Variants in ACACA observed in about 807,000 individuals in gnomAD.
ACACA encodes the protein acetyl-CoA carboxylase alpha.
In ACACA, 103 loss-of-function variants were observed where a neutral mutation model predicts 296.1. The ratio of observed to expected loss-of-function variants is 0.35; its 90% CI spans 0.30 to 0.41. The LOEUF (loss-of-function observed/expected upper bound fraction) is 0.41. Among genes scored for constraint, ACACA ranks in the 10% least tolerant of loss-of-function variants. ACACA has a pLI of 1.00. For synonymous variants in ACACA, 953 were observed against 1,038.6 expected (o/e 0.92, Z 1.58); for missense variants, 1,554 against 2,989.7 (o/e 0.52, Z 11.20).
intron 24 of ACACA, among the ~76,000 whole-genome samples, chr17:37,235,494 A>T (rs2145858001): frequency 6.6e-6 from 1 of 152,304 alleles, no homozygotes; most frequent in South Asian, 2.1e-4. Flanking sequence ...TCTTTAGACG[A>T]GAAATTTCTG....
At chr17:37,128,507 A>G (rs2074936122) in intron 47 of ACACA, among the ~76,000 whole-genome samples, 3 of 152,214 alleles carry the variant, frequency 2.0e-5, no homozygotes, top group Non-Finnish European at 4.4e-5. Flanking sequence ...CCTTTCTTTG[A>G]AATAGTTGCA....
intron 25 of ACACA, among the ~76,000 whole-genome samples, chr17:37,229,807 C>T (rs1425998881): frequency 2.0e-5 from 3 of 151,828 alleles, no homozygotes; most frequent in South Asian, 4.2e-4. Flanking sequence ...TGGTGGCTCA[C>T]GCCTGTAATC....
intron 55 of ACACA, among the ~76,000 whole-genome samples, chr17:37,088,717 C>T (rs1353407873): frequency 6.6e-6 from 1 of 152,194 alleles, no homozygotes; most frequent in East Asian, 1.9e-4. Context: ...ATTAAGCCTT[C>T]ATCTAGCTGA....
intron 1 of ACACA, among the ~76,000 whole-genome samples, chr17:37,373,012 C>G (rs940401910): frequency 2.0e-5 from 3 of 152,038 alleles, no homozygotes; most frequent in African/African-American, 7.2e-5. Flanking sequence ...TCCCAAGTAG[C>G]TGGGACTATA....
At chr17:37,342,214 G>A (rs1327298183) in intron 1 of ACACA, among the ~76,000 whole-genome samples, 1 of 150,916 alleles carries the variant, frequency 6.6e-6, no homozygotes. Flanking sequence ...TTCGAGAACA[G>A]CTGGCCAACA....
chr17:37,358,944 G>A (rs1003851058), intron 1 of ACACA: 17 of 986,232 alleles, frequency 1.7e-5, no homozygotes, highest in Non-Finnish European at 1.9e-5. Context: ...CCCCTCCCTT[G>A]GCCCCAGTTT....
chr17:37,363,635 G>T (rs75786748), intron 1 of ACACA, among the ~76,000 whole-genome samples: 4,369 of 152,234 alleles, frequency 0.029, 78 homozygotes, highest in Middle Eastern at 0.075. Context: ...GGACAAGAAA[G>T]TCTCTCAAGT....
chr17:37,308,643 T>C (rs1466078398), intron 3 of ACACA, among the ~76,000 whole-genome samples: 1 of 152,152 alleles, frequency 6.6e-6, no homozygotes, highest in Non-Finnish European at 1.5e-5. Context: ...ATATGTATAA[T>C]TTAAAAACTA....
chr17:37,119,448 C>T (rs1474019402), intron 50 of ACACA, among the ~76,000 whole-genome samples: 8 of 152,034 alleles, frequency 5.3e-5, no homozygotes, highest in African/African-American at 1.9e-4. Flanking sequence ...TTTATTATCT[C>T]GGTCAAAAAA....
chr17:37,116,958 T>TTC (rs1427307166), intron 50 of ACACA, among the ~76,000 whole-genome samples: 1 of 152,150 alleles, frequency 6.6e-6, no homozygotes, highest in African/African-American at 2.4e-5. Context: ...TACTGATAGG[T>TTC]TCCTCACTGG....
At chr17:37,375,254 A>G (rs1260393661) in intron 1 of ACACA, among the ~76,000 whole-genome samples, 2 of 152,148 alleles carry the variant, frequency 1.3e-5, no homozygotes, top group East Asian at 3.9e-4. Flanking sequence ...CGGGAGGCCG[A>G]GGCAGGTGGA....
At chr17:37,252,130 C>T in intron 15 of ACACA, 22 bp from the exon 16 acceptor site, 2 of 1,593,502 alleles carry the variant, frequency 1.3e-6, no homozygotes, top group Non-Finnish European at 8.6e-7. Context: ...AAAAAGAGGG[C>T]AGATCAAATG....
chr17:37,107,162 G>A (rs1597836093), intron 52 of ACACA, among the ~76,000 whole-genome samples: 1 of 152,322 alleles, frequency 6.6e-6, no homozygotes, highest in East Asian at 1.9e-4. Flanking sequence ...TTCAACAGGT[G>A]AGAGGTGAAA....
At chr17:37,197,520 T>G (rs1049832246) in intron 35 of ACACA, among the ~76,000 whole-genome samples, 1 of 152,106 alleles carries the variant, frequency 6.6e-6, no homozygotes, top group African/African-American at 2.4e-5. Flanking sequence ...TCTCTGACAC[T>G]CCCAGAAAGC....
intron 33 of ACACA, among the ~76,000 whole-genome samples, chr17:37,203,321 A>G (rs572072331): frequency 1.8e-4 from 27 of 152,320 alleles, no homozygotes; most frequent in African/African-American, 6.5e-4. Context: ...GAGGGCAACA[A>G]GAAGTGTCAA....
intron 41 of ACACA, among the ~76,000 whole-genome samples, chr17:37,163,715 C>A (rs943585516): frequency 6.6e-6 from 1 of 152,216 alleles, no homozygotes; most frequent in African/African-American, 2.4e-5. Flanking sequence ...CTCTTGCTTT[C>A]TTCTAGCACC....
chr17:37,180,360 G>A (rs984015855), intron 40 of ACACA, among the ~76,000 whole-genome samples: 1 of 152,080 alleles, frequency 6.6e-6, no homozygotes, highest in Non-Finnish European at 1.5e-5. Context: ...TTGTATTTGT[G>A]AATAACACAG....
intron 23 of ACACA, 42 bp downstream of exon 23, chr17:37,241,911 G>A: frequency 6.6e-7 from 1 of 1,511,498 alleles, no homozygotes. Flanking sequence ...AGGAAGACAT[G>A]AGTATGGACA....
chr17:37,274,111 C>T, intron 9 of ACACA, 82 bp downstream of exon 9: 2 of 1,219,214 alleles, frequency 1.6e-6, no homozygotes, highest in Non-Finnish European at 2.4e-6. Flanking sequence ...GGGTATATAT[C>T]ACGAGCCAGG....
Sources: allele counts gnomAD v4.1 joint callset (sites outside exome capture counted in the v4.1 genomes callset), GRCh38; gene constraint gnomAD v4.1.1; transcripts MANE v1.5; gene names NCBI Gene and HGNC (gene_info 2026-07-23, HGNC 2026-07-21).